Variants in CNTNAP1 observed in about 807,000 individuals in gnomAD.
CNTNAP1 encodes the protein contactin-associated protein 1.
A neutral mutation model predicts 161.5 loss-of-function variants in CNTNAP1; 80 were observed. The ratio of observed to expected loss-of-function variants is 0.50; its 90% CI spans 0.41 to 0.60. The LOEUF is 0.60. CNTNAP1 is among the 20% of genes least tolerant of loss of function. CNTNAP1 has a pLI of 0.00. For synonymous variants in CNTNAP1, 695 were observed against 733.1 expected (o/e 0.95, Z 0.84); for missense variants, 1,464 against 1,854.8 (o/e 0.79, Z 3.87).
chr17:42,686,386 T>TAAA (rs2053008510), intron 6 of CNTNAP1, among the ~76,000 whole-genome samples: 1 of 150,278 alleles, frequency 6.7e-6, no homozygotes, highest in Non-Finnish European at 1.5e-5. Context: ...TTAAAAAAAT[T>TAAA]TTTTTTTTCA....
At position 42,691,799 on chromosome 17, in the gene CNTNAP1, T is replaced by C; in HGVS notation, c.2345-7T>C. 6.2e-7 allele frequency: 1 copy of C among 1,613,640 alleles called. No individual in the cohort carries two copies. Among genetic ancestry groups the C allele is most frequent in the Non-Finnish European group, 8.5e-7 (1 of 1,179,698 alleles). ...CTGACAAGACCTTCCTCCATCTGCTTTTCTAGGAAATTCCTGGAACACCAT... is the reference window on the plus strand; with the variant it reads ...CTGACAAGACCTTCCTCCATCTGCTCTTCTAGGAAATTCCTGGAACACCAT... On this transcript the variant is annotated splice_polypyrimidine_tract_variant and splice_region_variant and intron_variant, in intron 15 of 23. Coordinates refer to ENST00000264638, the MANE Select transcript of CNTNAP1 (RefSeq NM_003632.3). The surrounding 1 kb of genome is among the most constrained non-coding windows in gnomAD (Gnocchi z 4.3).
chr17:42,687,490 GGAGATCAGC>G lies in CNTNAP1; in HGVS notation c.1045-225_1045-217del, dbSNP rs912791401. 1.7e-6 allele frequency: 1 copy of G among 597,816 alleles called. No individual in the cohort carries two copies. Among genetic ancestry groups the G allele is most frequent in the African/African-American group, 1.9e-5 (1 of 53,784 alleles). The allele number at this position is 597,816 out of a possible 1,614,324, so 37.0% of individuals were successfully genotyped here. A position where few individuals can be genotyped will look rare whatever the true frequency, so the allele number is the denominator to read the frequency against. On this transcript the variant is annotated intron_variant, in intron 7 of 23. Coordinates refer to ENST00000264638, the MANE Select transcript of CNTNAP1 (RefSeq NM_003632.3). This position sits in a 1 kb window ranked among gnomAD's most constrained non-coding sequence, Gnocchi z 4.7. The stretch of plus-strand genomic sequence containing the variant: ...GAGAAGCGGTCGAATCGCAGACGGT[GGAGATCAGC>G]GAGAGCAAGCGAGCAGAGTTCCGAG...
intron 11 of CNTNAP1, 180 bp from the exon 12 acceptor site, chr17:42,689,907 AT>A: frequency 4.6e-6 from 3 of 653,122 alleles, no homozygotes; most frequent in Non-Finnish European, 7.8e-6. Flanking sequence ...CGCCTAGCTA[AT>A]TTTTATATTT....
chr17:42,684,686 G>A (rs968897063), intron 3 of CNTNAP1, among the ~76,000 whole-genome samples: 2 of 152,114 alleles, frequency 1.3e-5, no homozygotes, highest in Non-Finnish European at 2.9e-5. Flanking sequence ...AGCACTTTGG[G>A]AGGCCGAGGC....
intron 19 of CNTNAP1, 45 bp downstream of exon 19, chr17:42,695,919 G>A (rs1169634804): frequency 1.1e-5 from 18 of 1,597,420 alleles, no homozygotes; most frequent in Non-Finnish European, 1.4e-5. Context: ...CTTCACCCCG[G>A]TGCCCCTAAT....
chr17:42,697,663 A>C lies in CNTNAP1; in HGVS notation c.3678A>C (p.Arg1226=). The change falls in exon 22 of 24, where the codon CGA becomes CGC. Residue 1226 remains arginine, a synonymous_variant. Coordinates refer to ENST00000264638, the MANE Select transcript of CNTNAP1 (RefSeq NM_003632.3). ...TGGCTCCCCTCAAGACCCACTTCCG[A>C]ACCCCTCGACCCATGACTGCTGAGC... ...NNVAPLKTHF[R]TPRPMTAELA... The C allele has an allele frequency of 6.2e-7, 1 of 1,614,116 alleles. No homozygotes were observed. The highest frequency in any genetic ancestry group is 8.5e-7 in the Non-Finnish European group (1 of 1,180,024).
chr17:42,698,795 C>A lies in CNTNAP1; in HGVS notation c.4040C>A (p.Ala1347Glu). The A allele has an allele frequency of 6.2e-7, 1 of 1,610,532 alleles. No individual in the cohort carries two copies. The highest frequency in any genetic ancestry group is 8.5e-7 in the Non-Finnish European group (1 of 1,179,778). ...CCTGCCCAGGTCCCCACCCCTACAG[C>A]AGCTCCCAACCAAGCTCCAGCCTCA... is the stretch of plus-strand genomic sequence containing the variant. ...SGPAQVPTPTAAPNQAPASAP... is the reference protein window; with the variant it reads ...SGPAQVPTPTEAPNQAPASAP... The change falls in exon 24 of 24, where the codon GCA becomes GAA. Residue 1347 changes from alanine (A) to glutamate (E), a missense_variant. Physicochemically the swap from Ala to Glu is moderately radical, Grantham distance 107. Around this residue, in one of 3 missense-constraint regions of CNTNAP1, gnomAD observed 1,383 missense variants for 1,765.0 expected, o/e 0.78. Transcript: ENST00000264638.
chr17:42,692,112 T>G, intron 16 of CNTNAP1, 121 bp downstream of exon 16: 1 of 1,039,678 alleles, frequency 9.6e-7, no homozygotes, highest in South Asian at 1.5e-5. Context: ...TGGGAAGGGT[T>G]GAGATACCCT....
rs764919225 is a variant in CNTNAP1 at position 42,695,908 on chromosome 17, G to A, written c.3346+34G>A. The A allele has an allele frequency of 3.1e-6, 5 of 1,599,772 alleles. No individual in the cohort carries two copies. The African/African-American group carries it at 6.7e-5, about 21-fold the overall frequency. ...TCCCGGGCTCTCTCACCCCACTCCAGCTTCACCCCGGTGCCCCTAATTCTC... is the reference window on the plus strand; with the variant it reads ...TCCCGGGCTCTCTCACCCCACTCCAACTTCACCCCGGTGCCCCTAATTCTC... On this transcript the variant is annotated intron_variant, in intron 19 of 23. Transcript: ENST00000264638.
chr17:42,686,104 T>A lies in CNTNAP1; in HGVS notation c.863T>A (p.Leu288His). 6.2e-7 allele frequency: 1 copy of A among 1,614,192 alleles called. No homozygotes were observed. The highest frequency in any genetic ancestry group is 8.5e-7 in the Non-Finnish European group (1 of 1,180,032). The change falls in exon 6 of 24, where the codon CTC (leucine) becomes CAC (histidine). Residue 288 changes from leucine (L) to histidine (H), a missense_variant. By Grantham distance (99) the Leu-to-His change is moderately conservative. Coordinates refer to ENST00000264638, the MANE Select transcript of CNTNAP1 (RefSeq NM_003632.3). ...TLDGYVQRFI[L>H]NGDFERLNLD... The stretch of plus-strand genomic sequence containing the variant: ...GACGGCTATGTGCAGCGCTTTATTC[T>A]CAATGGAGACTTCGAGAGGCTGAAC...
In CNTNAP1 at chr17:42,691,891, C is replaced by T. The variant is rs777060244; in HGVS notation, c.2430C>T (p.Ser810=). 1.9e-5 allele frequency: 31 copies of T among 1,614,162 alleles called. No individual in the cohort carries two copies. Among genetic ancestry groups the T allele is most frequent in the Non-Finnish European group, 2.6e-5 (31 of 1,180,026 alleles). ...GTGCCAACCACAGCCTGGATGTCTCCTTCTACTTCAGGACCTCTGCTCCCT... is the reference window on the plus strand; with the variant it reads ...GTGCCAACCACAGCCTGGATGTCTCTTTCTACTTCAGGACCTCTGCTCCCT... ...PIRANHSLDV[S]FYFRTSAPSG... The change falls in exon 16 of 24, where the codon TCC becomes TCT. Residue 810 remains serine, a synonymous_variant. Coordinates refer to ENST00000264638, the MANE Select transcript of CNTNAP1 (RefSeq NM_003632.3). The surrounding 1 kb of genome is among the most constrained non-coding windows in gnomAD (Gnocchi z 4.3).
In CNTNAP1 at chr17:42,687,606, C is replaced by A; in HGVS notation, c.1045-114C>A. 7.2e-7 allele frequency: 1 copy of A among 1,392,130 alleles called. No individual in the cohort carries two copies. The highest frequency in any genetic ancestry group is 9.9e-7 in the Non-Finnish European group (1 of 1,012,800). 86.2% of individuals were successfully genotyped at this position (1,392,130 alleles called of 1,614,324 possible). ...ACGTCATGGTTGGAGATCTCACCCC[C>A]GCCAACACCGAAGGAGGGCGGTGAC... On this transcript the variant is annotated intron_variant, in intron 7 of 23. Coordinates refer to ENST00000264638, the MANE Select transcript of CNTNAP1 (RefSeq NM_003632.3). This position sits in a 1 kb window ranked among gnomAD's most constrained non-coding sequence, Gnocchi z 4.7.
At position 42,687,830 on chromosome 17, in the gene CNTNAP1, C is replaced by T. The variant is rs1304715981; in HGVS notation, c.1155C>T (p.Val385=). Residue 385 remains valine (V), a synonymous_variant, in exon 8 of 24, where the codon GTC becomes GTT. Transcript: ENST00000264638. The surrounding 1 kb of genome is among the most constrained non-coding windows in gnomAD (Gnocchi z 4.7). The part of the protein sequence containing the change: ...PGFPRRGRLA[V]SFRFRTWDLT... ...TCCCACGCCGTGGCCGCCTGGCAGT[C>T]TCATTTCGCTTCCGCACCTGGGACC... 1.9e-6 allele frequency: 3 copies of T among 1,614,150 alleles called. No individual in the cohort carries two copies. The highest frequency in any genetic ancestry group is 1.3e-5 in the African/African-American group (1 of 74,950).
intron 19 of CNTNAP1, 35 bp from the exon 20 acceptor site, chr17:42,695,990 C>T (rs2053147375): frequency 1.2e-6 from 2 of 1,610,792 alleles, no homozygotes; most frequent in African/African-American, 1.3e-5. Context: ...AGTCATGGGG[C>T]CTGAGACCCC....
chr17:42,683,530 G>C, intron 1 of CNTNAP1: 1 of 1,262,702 alleles, frequency 7.9e-7, no homozygotes, highest in South Asian at 2.1e-5. Flanking sequence ...TTAGGATTGA[G>C]TTTGGGAAAG....
In CNTNAP1 at chr17:42,684,063, G is replaced by T. The variant is rs2052974172; in HGVS notation, c.197G>T (p.Gly66Val). ...ATAAGCGGGTGGTCACCACGGATTG[G>T]GGATCCGAATCCCTGGCTCCAGATA... The part of the protein sequence containing the change: ...HGISGWSPRI[G>V]DPNPWLQIDL... Residue 66 changes from glycine to valine, a missense_variant, in exon 3 of 24, where the codon GGG becomes GTG. Gly to Val is a moderately radical substitution (Grantham distance 109). This residue lies in a region of CNTNAP1 where 4 missense variants were observed against 16.3 expected (regional missense o/e 0.25). Transcript: ENST00000264638. 6.2e-7 allele frequency: 1 copy of T among 1,614,046 alleles called. No homozygotes were observed. Among genetic ancestry groups the T allele is most frequent in the South Asian group, 1.1e-5 (1 of 91,078 alleles).
chr17:42,690,109 A>G lies in CNTNAP1; in HGVS notation c.1757A>G (p.Glu586Gly). The change falls in exon 12 of 24, where the codon GAG becomes GGG. Residue 586 changes from glutamate (E) to glycine (G), a missense_variant. Around this residue, in one of 3 missense-constraint regions of CNTNAP1, gnomAD observed 1,383 missense variants for 1,765.0 expected, o/e 0.78. Transcript: ENST00000264638. Reference protein sequence around the residue: ...CHTPLYKESCEAYRLSGKTSG... With the variant: ...CHTPLYKESCGAYRLSGKTSG... ...CCAGCTTTGTATAAGGAATCCTGTG[A>G]GGCTTATCGGCTCAGTGGGAAAACT... 1.9e-6 allele frequency: 3 copies of G among 1,613,868 alleles called. No homozygotes were observed. Among genetic ancestry groups the G allele is most frequent in the Non-Finnish European group, 2.5e-6 (3 of 1,179,858 alleles).
Position 42,691,594 on chromosome 17 carries a change from T to C in CNTNAP1, c.2344+83T>C. The C allele has an allele frequency of 2.5e-6, 4 of 1,579,162 alleles. No homozygotes were observed. Among genetic ancestry groups the C allele is most frequent in the Non-Finnish European group, 3.4e-6 (4 of 1,162,132 alleles). ...TCTAGGCCGCATGTCACTGGTGGTC[T>C]CTAGCTGGGGTGCCCGACCCCCAGC... On this transcript the variant is annotated intron_variant, in intron 15 of 23. Coordinates refer to ENST00000264638, the MANE Select transcript of CNTNAP1 (RefSeq NM_003632.3). This position sits in a 1 kb window ranked among gnomAD's most constrained non-coding sequence, Gnocchi z 4.3.
rs777661253 is a variant in CNTNAP1 at position 42,685,012 on chromosome 17, G to C, written c.385G>C (p.Glu129Gln). The stretch of plus-strand genomic sequence containing the variant: ...GCAGACCTTCTTTGGTAACGTGAAC[G>C]AGTCGGCGGTGGTGCGCCATGACCT... Reference protein sequence around the residue: ...HNSTFFGNVNESAVVRHDLHF... With the variant: ...HNSTFFGNVNQSAVVRHDLHF... Residue 129 changes from glutamate to glutamine, a missense_variant, in exon 4 of 24, where the codon GAG (glutamate) becomes CAG (glutamine). Glu to Gln is a conservative substitution (Grantham distance 29). Around this residue, in one of 3 missense-constraint regions of CNTNAP1, gnomAD observed 1,383 missense variants for 1,765.0 expected, o/e 0.78. Coordinates refer to ENST00000264638, the MANE Select transcript of CNTNAP1 (RefSeq NM_003632.3). This position sits in a 1 kb window ranked among gnomAD's most constrained non-coding sequence, Gnocchi z 5.0. 1 of 1,605,924 alleles carries C rather than the reference G, an allele frequency of 6.2e-7. No individual in the cohort carries two copies.
Sources: gnomAD v4.1 joint callset for allele counts (sites outside exome capture counted in the v4.1 genomes callset) on GRCh38, gnomAD v4.1.1 for gene constraint, gnomAD v4.1.1 regional missense constraint, Gnocchi (gnomAD v3.1) non-coding constraint, MANE v1.5 for transcripts, NCBI Gene and HGNC (gene_info 2026-07-23, HGNC 2026-07-21) for gene names.